Variants in CEP112 observed in about 807,000 individuals in gnomAD.
CEP112 encodes the protein centrosomal protein of 112 kDa.
Under a neutral mutation model 153.0 loss-of-function variants are expected in CEP112, and 127 were observed. That is an observed-to-expected ratio of 0.83 (90% confidence interval 0.72 to 0.96). The LOEUF is 0.96. Ranked by LOEUF, CEP112 falls within the 40% of genes least tolerant of loss-of-function variation. The probability of loss-of-function intolerance (pLI) is 0.00; values close to 1 mark genes in which losing one functional copy is unlikely to be tolerated. For synonymous variants in CEP112, 358 were observed against 374.4 expected (o/e 0.96, Z 0.51); for missense variants, 1,089 against 1,101.2 (o/e 0.99, Z 0.16).
chr17:66,050,729 G>A (rs2145910974), intron 12 of CEP112, among the ~76,000 whole-genome samples: 1 of 152,160 alleles, frequency 6.6e-6, no homozygotes, highest in South Asian at 2.1e-4. Flanking sequence ...CTCTTCCAGA[G>A]ATGCCTGGAG....
intron 6 of CEP112, among the ~76,000 whole-genome samples, chr17:66,113,590 A>G (rs745849587): frequency 1.3e-5 from 2 of 152,170 alleles, no homozygotes; most frequent in Non-Finnish European, 2.9e-5. Flanking sequence ...AGTAACTCCT[A>G]TTTCAACCTC....
chr17:65,639,836 CTTTTTT>C (rs554226605), intron 25 of CEP112, among the ~76,000 whole-genome samples: 2 of 110,964 alleles, frequency 1.8e-5, no homozygotes, highest in African/African-American at 3.5e-5. Context: ...CTCTTTCTTT[CTTTTTT>C]TTTTTTTTTT....
At chr17:65,974,362 C>T (rs1048578732) in intron 17 of CEP112, among the ~76,000 whole-genome samples, 9 of 152,240 alleles carry the variant, frequency 5.9e-5, no homozygotes, top group Non-Finnish European at 1.0e-4. Flanking sequence ...CAGGTGTGAG[C>T]GACTGTGCCC....
intron 24 of CEP112, among the ~76,000 whole-genome samples, chr17:65,642,954 C>A (rs1046068635): frequency 6.6e-6 from 1 of 152,136 alleles, no homozygotes; most frequent in Non-Finnish European, 1.5e-5. Flanking sequence ...GTTGTCCTAC[C>A]CATCCCACCC....
chr17:66,035,991 A>G (rs552744299), intron 12 of CEP112, among the ~76,000 whole-genome samples: 25 of 152,340 alleles, frequency 1.6e-4, no homozygotes, highest in African/African-American at 6.0e-4. Context: ...ATGAATAGCT[A>G]AAGAAAATGT....
At position 66,005,764 on chromosome 17, in the gene CEP112, A is replaced by G; in HGVS notation, c.1662T>C (p.His554=). The change falls in exon 17 of 27, where the codon CAT becomes CAC. Residue 554 remains histidine, a synonymous_variant. Coordinates refer to ENST00000535342, the MANE Select transcript of CEP112 (RefSeq NM_001199165.4). Reference sequence around the variant, plus strand: ...CTTTATCAAGTTCACTCTGCAAGTCATGAGCCTGCCATGACAAGAACATGG... The same window carrying G: ...CTTTATCAAGTTCACTCTGCAAGTCGTGAGCCTGCCATGACAAGAACATGG... ...HLKHIYEKKA[H]DLQSELDKGK... is the part of the protein sequence containing the mutation. 6.2e-7 allele frequency: 1 copy of G among 1,602,388 alleles called. No homozygotes were observed. The highest frequency in any genetic ancestry group is 8.5e-7 in the Non-Finnish European group (1 of 1,176,430).
chr17:65,767,727 T>C (rs2053076157), intron 21 of CEP112, among the ~76,000 whole-genome samples: 1 of 152,042 alleles, frequency 6.6e-6, no homozygotes. Flanking sequence ...AAATAGATCA[T>C]AAGGAACTAT....
At chr17:65,938,038 T>C (rs1314257873) in intron 18 of CEP112, among the ~76,000 whole-genome samples, 1 of 117,452 alleles carries the variant, frequency 8.5e-6, no homozygotes, top group South Asian at 4.2e-4. Flanking sequence ...TAGAAAGAAG[T>C]AGACATGGGA....
chr17:65,638,734 A>G (rs1345503186), intron 25 of CEP112, among the ~76,000 whole-genome samples: 1 of 152,128 alleles, frequency 6.6e-6, no homozygotes, highest in Non-Finnish European at 1.5e-5. Context: ...TGCTCACTGT[A>G]TGGCCTGTGA....
chr17:66,148,737 G>A (rs1273858624), intron 4 of CEP112, among the ~76,000 whole-genome samples: 2 of 152,044 alleles, frequency 1.3e-5, no homozygotes, highest in Non-Finnish European at 2.9e-5. Context: ...CCATTTGTTA[G>A]TTCTAACAGC....
chr17:66,019,356 A>G (rs946943150), intron 16 of CEP112, among the ~76,000 whole-genome samples: 2 of 152,216 alleles, frequency 1.3e-5, no homozygotes, highest in Admixed American at 6.5e-5. Flanking sequence ...ATTTAGCTCT[A>G]CAATTACATA....
At chr17:65,670,363 C>T (rs1192606733) in intron 24 of CEP112, among the ~76,000 whole-genome samples, 1 of 148,954 alleles carries the variant, frequency 6.7e-6, no homozygotes, top group Non-Finnish European at 1.5e-5. Context: ...TCAGTTGTAA[C>T]TAAAAAAAAA....
At chr17:66,099,125 G>A (rs971920212) in intron 6 of CEP112, among the ~76,000 whole-genome samples, 52 of 152,166 alleles carry the variant, frequency 3.4e-4, no homozygotes, top group Non-Finnish European at 4.7e-4. Context: ...ACCTTTGAAG[G>A]AAGGTTGTTC....
chr17:65,891,036 G>A (rs2059444743), intron 20 of CEP112, among the ~76,000 whole-genome samples: 1 of 152,140 alleles, frequency 6.6e-6, no homozygotes, highest in Non-Finnish European at 1.5e-5. Flanking sequence ...CCCATAGACT[G>A]TAAGCTTGAG....
At chr17:65,990,231 G>A (rs531290701) in intron 17 of CEP112, among the ~76,000 whole-genome samples, 124 of 152,180 alleles carry the variant, frequency 8.1e-4, no homozygotes, top group Non-Finnish European at 1.4e-3. Flanking sequence ...GTGTAGGGCA[G>A]AGCAAGATGG....
intron 12 of CEP112, among the ~76,000 whole-genome samples, chr17:66,040,494 C>CTTTTTTTTT (rs71160522): frequency 3.7e-5 from 5 of 133,482 alleles, no homozygotes; most frequent in East Asian, 2.1e-4. Flanking sequence ...CCCTTTTTTT[C>CTTTTTTTTT]TTTTTTTTTT....
At chr17:66,080,099 G>A (rs1399768684) in intron 8 of CEP112, among the ~76,000 whole-genome samples, 1 of 152,066 alleles carries the variant, frequency 6.6e-6, no homozygotes, top group African/African-American at 2.4e-5. Flanking sequence ...ATAGACATGG[G>A]CAAAGACCTC....
rs1025354145 is a variant in CEP112 at position 66,005,929 on chromosome 17, A to ATACTG, written c.1657-161_1657-160insCAGTA. ...CTTGGTCTACCATAGAATGATTTCA[A>ATACTG]TACTATACTCAAATACCTATTTTCT... On this transcript the variant is annotated intron_variant, in intron 16 of 26. Coordinates refer to ENST00000535342, the MANE Select transcript of CEP112 (RefSeq NM_001199165.4). Among the ~76,000 whole-genome samples, 3 of 55,706 alleles carry ATACTG rather than the reference A, an allele frequency of 5.4e-5. No individual in the cohort carries two copies. In the Admixed American group the frequency reaches 1.1e-3, roughly 21 times the overall value. 36.5% of individuals were successfully genotyped at this position (55,706 alleles called of 152,430 possible). A position where few individuals can be genotyped will look rare whatever the true frequency, so the allele number is the denominator to read the frequency against.
intron 21 of CEP112, among the ~76,000 whole-genome samples, chr17:65,817,154 T>C (rs1182871563): frequency 1.3e-5 from 2 of 151,964 alleles, no homozygotes; most frequent in African/African-American, 2.4e-5. Flanking sequence ...GTATATATTA[T>C]ACAAAATTAA....
Sources: gnomAD v4.1 joint callset for allele counts (sites outside exome capture counted in the v4.1 genomes callset) on GRCh38, gnomAD v4.1.1 for gene constraint, MANE v1.5 for transcripts, NCBI Gene and HGNC (gene_info 2026-07-23, HGNC 2026-07-21) for gene names.